Variants in PCDH9 observed in about 807,000 individuals in gnomAD.
PCDH9 encodes the protein protocadherin 9.
A neutral mutation model predicts 70.6 loss-of-function variants in PCDH9; 24 were observed. That is an observed-to-expected ratio of 0.34 (90% CI 0.25 to 0.48). The LOEUF (loss-of-function observed/expected upper bound fraction) is 0.48, where lower values mean the gene tolerates loss of function less well. Ranked by LOEUF, PCDH9 falls within the 20% of genes least tolerant of loss-of-function variation. The probability of loss-of-function intolerance (pLI) is 0.99; values close to 1 mark genes in which losing one functional copy is unlikely to be tolerated. For synonymous variants in PCDH9, 562 were observed against 558.5 expected (o/e 1.01, Z -0.09); for missense variants, 1,281 against 1,503.6 (o/e 0.85, Z 2.45).
At chr13:66,899,430 G>A (rs1390507133) in intron 3 of PCDH9, among the ~76,000 whole-genome samples, 3 of 151,766 alleles carry the variant, frequency 2.0e-5, no homozygotes, top group South Asian at 2.1e-4. Flanking sequence ...ACTGATTTTC[G>A]GATTTCACCC....
intron 4 of PCDH9, among the ~76,000 whole-genome samples, chr13:66,601,174 G>T (rs1219945160): frequency 6.9e-6 from 1 of 145,534 alleles, no homozygotes; most frequent in Non-Finnish European, 1.5e-5. Flanking sequence ...CTATGGGCTA[G>T]ATCTAATAAC....
intron 4 of PCDH9, among the ~76,000 whole-genome samples, chr13:66,586,026 A>T: frequency 6.6e-6 from 1 of 152,186 alleles, no homozygotes; most frequent in East Asian, 1.9e-4. Flanking sequence ...ACCCACATCA[A>T]ACAAAGACCT....
At chr13:66,473,523 A>C (rs1252941883) in intron 4 of PCDH9, among the ~76,000 whole-genome samples, 1 of 152,128 alleles carries the variant, frequency 6.6e-6, no homozygotes, top group Non-Finnish European at 1.5e-5. Context: ...TCTCTATTAA[A>C]ATTTTATCAA....
intron 3 of PCDH9, among the ~76,000 whole-genome samples, chr13:66,846,394 T>C (rs1345421628): frequency 6.6e-6 from 1 of 152,178 alleles, no homozygotes; most frequent in Non-Finnish European, 1.5e-5. Flanking sequence ...ATAGAATATA[T>C]GAATGCCTTT....
At chr13:67,218,433 A>C (rs1032542431) in intron 2 of PCDH9, 1 of 152,118 alleles carries the variant, frequency 6.6e-6, no homozygotes, top group South Asian at 2.1e-4. Context: ...TTACAATAGA[A>C]GCTTAAAGAT....
At chr13:66,967,000 C>T (rs2083443277) in intron 2 of PCDH9, among the ~76,000 whole-genome samples, 1 of 151,968 alleles carries the variant, frequency 6.6e-6, no homozygotes. Context: ...ATATCAAATG[C>T]AAACTTCAGT....
intron 2 of PCDH9, among the ~76,000 whole-genome samples, chr13:67,019,343 G>A (rs1454724618): frequency 2.0e-5 from 3 of 151,564 alleles, no homozygotes; most frequent in Non-Finnish European, 4.4e-5. Flanking sequence ...ACAGGTGCCC[G>A]CCACCATGCC....
At chr13:66,662,587 A>G (rs1331007279) in intron 3 of PCDH9, among the ~76,000 whole-genome samples, 1 of 152,244 alleles carries the variant, frequency 6.6e-6, no homozygotes, top group Non-Finnish European at 1.5e-5. Context: ...TGTCCAAGAC[A>G]TTGAATATCC....
chr13:67,066,001 C>T (rs370420912), intron 2 of PCDH9, among the ~76,000 whole-genome samples: 11 of 152,210 alleles, frequency 7.2e-5, no homozygotes, highest in African/African-American at 2.6e-4. Context: ...CTCAAATTTT[C>T]TGGATAATAT....
At chr13:67,061,291 C>CT (rs974200428) in intron 2 of PCDH9, among the ~76,000 whole-genome samples, 14 of 151,596 alleles carry the variant, frequency 9.2e-5, no homozygotes, top group African/African-American at 2.7e-4. Context: ...TATCAACAGG[C>CT]TTTTTTTTCT....
At chr13:66,966,848 G>A (rs2083441320) in intron 2 of PCDH9, among the ~76,000 whole-genome samples, 1 of 151,994 alleles carries the variant, frequency 6.6e-6, no homozygotes, top group Non-Finnish European at 1.5e-5. Flanking sequence ...ATGAAATAGA[G>A]AAGAAAACTG....
At chr13:66,922,914 T>C (rs920959875) in intron 2 of PCDH9, among the ~76,000 whole-genome samples, 4 of 151,480 alleles carry the variant, frequency 2.6e-5, no homozygotes, top group Non-Finnish European at 5.9e-5. Context: ...ATATTATTAA[T>C]TTTTTAGAAA....
intron 3 of PCDH9, among the ~76,000 whole-genome samples, chr13:66,887,992 T>C (rs1281494202): frequency 6.6e-6 from 1 of 152,204 alleles, no homozygotes; most frequent in Non-Finnish European, 1.5e-5. Context: ...ATCCACATAT[T>C]TTCTAGTTTT....
At chr13:66,972,829 A>G (rs1484142759) in intron 2 of PCDH9, among the ~76,000 whole-genome samples, 1 of 152,054 alleles carries the variant, frequency 6.6e-6, no homozygotes, top group Non-Finnish European at 1.5e-5. Flanking sequence ...TTTTAACTCT[A>G]TGACTCACAC....
rs60159092 is a variant in PCDH9, at chr13:66,973,648, A to AT, written c.3037-70044_3037-70043insA. ...ATCCATGTACTTTCATTGTTAGCTA[A>AT]CCTATCAAGGCATGATACAAACCTT... On this transcript the variant is annotated intron_variant, in intron 2 of 4. Transcript: ENST00000377865. 8.0e-3 allele frequency among the ~76,000 whole-genome samples: 1,222 copies of AT among 152,134 alleles called. 24 individuals are homozygous for AT. Among genetic ancestry groups the AT allele is most frequent in the African/African-American group, 0.028 (1,174 of 41,546 alleles).
intron 4 of PCDH9, among the ~76,000 whole-genome samples, chr13:66,578,379 AT>A (rs559521210): frequency 9.5e-4 from 142 of 149,054 alleles, no homozygotes; most frequent in African/African-American, 3.0e-3. Context: ...CATGAGCTAC[AT>A]TTTTTTTTTC....
At chr13:66,983,455 A>T (rs1445649872) in intron 2 of PCDH9, among the ~76,000 whole-genome samples, 1 of 152,112 alleles carries the variant, frequency 6.6e-6, no homozygotes, top group Admixed American at 6.6e-5. Context: ...TGTGAAAAAA[A>T]ATAAAAGGAG....
intron 3 of PCDH9, among the ~76,000 whole-genome samples, chr13:66,699,519 G>A (rs2078609246): frequency 6.6e-6 from 1 of 152,118 alleles, no homozygotes; most frequent in African/African-American, 2.4e-5. Context: ...ACACATAGAG[G>A]AGACACAGAG....
chr13:67,076,700 T>A (rs1741247040), intron 2 of PCDH9, among the ~76,000 whole-genome samples: 1 of 152,112 alleles, frequency 6.6e-6, no homozygotes, highest in Non-Finnish European at 1.5e-5. Flanking sequence ...TGAAAACTAT[T>A]AATAGAAGTA....
Sources: allele counts gnomAD v4.1 joint callset (sites outside exome capture counted in the v4.1 genomes callset), GRCh38; gene constraint gnomAD v4.1.1; transcripts MANE v1.5; gene names NCBI Gene and HGNC (gene_info 2026-07-23, HGNC 2026-07-21).